TRIO: variants seen among roughly 807,000 people sequenced by gnomAD.
The protein encoded by TRIO is trio Rho guanine nucleotide exchange factor, also known as triple functional domain protein.
A neutral mutation model predicts 351.9 loss-of-function variants in TRIO; 58 were observed. The observed-to-expected ratio is 0.16, with a 90% CI of 0.13 to 0.21. The LOEUF (loss-of-function observed/expected upper bound fraction) is 0.21. Ranked by LOEUF, TRIO falls within the 10% of genes least tolerant of loss-of-function variation. The pLI, the probability that TRIO is intolerant of heterozygous loss-of-function variation, is 1.00. For synonymous variants in TRIO, 1,758 were observed against 1,595.7 expected (o/e 1.10, Z -2.42); for missense variants, 3,201 against 4,027.8 (o/e 0.79, Z 5.56).
At chr5:14,448,609 C>T (rs753042250) in intron 34 of TRIO, among the ~76,000 whole-genome samples, 6 of 152,256 alleles carry the variant, frequency 3.9e-5, no homozygotes, top group Non-Finnish European at 8.8e-5. Flanking sequence ...GATGCGACAT[C>T]ACCTTTCCAA....
In TRIO at chr5:14,487,922, GCCC is replaced by G. The variant is rs966036357; in HGVS notation, c.7297_7299del (p.Pro2433del). On this transcript the variant is annotated inframe_deletion, in exon 48 of 57. Transcript: ENST00000344204. The stretch of plus-strand genomic sequence containing the variant: ...GAACGCCTCGGGGTCGAGCCCAGAC[GCCC>G]CCGCCAAGGACGCGCGCGCTAGCCT... 1.3e-6 allele frequency: 2 copies of G among 1,537,928 alleles called. No homozygotes were observed. The highest frequency in any genetic ancestry group is 4.2e-5 in the Admixed American group (2 of 48,126).
intron 1 of TRIO, among the ~76,000 whole-genome samples, chr5:14,267,984 T>G (rs539505195): frequency 6.6e-6 from 1 of 152,268 alleles, no homozygotes; most frequent in Non-Finnish European, 1.5e-5. Context: ...TATATTCTGG[T>G]CTATGCGTGG....
At chr5:14,363,666 T>C (rs1303520732) in intron 13 of TRIO, 66 bp from the exon 14 acceptor site, 1 of 1,469,154 alleles carries the variant, frequency 6.8e-7, no homozygotes, top group East Asian at 2.3e-5. Context: ...CTTCCTTACT[T>C]GGTACAGAGT....
Position 14,297,159 on chromosome 5 carries a change from A to C in TRIO, c.1264A>C (p.Ile422Leu). Reference sequence around the variant, plus strand: ...CTATGCCTCGCAGCAGATCAGGCAGATCGCGAGTCAGCTGGAGCAGGAGTG... The same window carrying C: ...CTATGCCTCGCAGCAGATCAGGCAGCTCGCGAGTCAGCTGGAGCAGGAGTG... ...GHYASQQIRQIASQLEQEWKA... is the reference protein window; with the variant it reads ...GHYASQQIRQLASQLEQEWKA... Residue 422 changes from isoleucine (I) to leucine (L), a missense_variant, in exon 7 of 57, where the codon ATC (isoleucine) becomes CTC (leucine). Transcript: ENST00000344204. 6.2e-7 allele frequency: 1 copy of C among 1,614,244 alleles called. No homozygotes were observed. The highest frequency in any genetic ancestry group is 8.5e-7 in the Non-Finnish European group (1 of 1,180,044).
chr5:14,430,185 GC>G (rs1387645194), intron 34 of TRIO, among the ~76,000 whole-genome samples: 1 of 133,364 alleles, frequency 7.5e-6, no homozygotes, highest in Non-Finnish European at 1.5e-5. Context: ...ATATTTGCGT[GC>G]TTTTTTTTTT....
In TRIO at chr5:14,316,517, G is replaced by A; in HGVS notation, c.1505G>A (p.Ser502Asn). 1 of 1,613,866 alleles carries A rather than the reference G, an allele frequency of 6.2e-7. No homozygotes were observed. The stretch of plus-strand genomic sequence containing the variant: ...ACTCATTTCTTTTGTGGGCAGGTCA[G>A]CCAAGATGGGAAGTCGCTCCTTGAC... ...EHITLAYSEV[S>N]QDGKSLLDKL... Residue 502 changes from serine to asparagine, a missense_variant, in exon 9 of 57, where the codon AGC becomes AAC. Physicochemically the swap from Ser to Asn is conservative, Grantham distance 46. Coordinates refer to ENST00000344204, the MANE Select transcript of TRIO (RefSeq NM_007118.4).
At chr5:14,267,112 G>GT (rs1253042566) in intron 1 of TRIO, among the ~76,000 whole-genome samples, 2 of 152,158 alleles carry the variant, frequency 1.3e-5, no homozygotes, top group Non-Finnish European at 2.9e-5. Flanking sequence ...AATTCAAAAA[G>GT]TGGGTACAAC....
In TRIO at chr5:14,145,492, A is replaced by ACC. The variant is rs36110495; in HGVS notation, c.157+1618_157+1619dup. Among the ~76,000 whole-genome samples the ACC allele has an allele frequency of 2.9e-3, 419 of 144,934 alleles. 2 individuals are homozygous for ACC. Among genetic ancestry groups the ACC allele is most frequent in the African/African-American group, 9.8e-3 (394 of 40,198 alleles). On this transcript the variant is annotated intron_variant, in intron 1 of 56. Coordinates refer to ENST00000344204, the MANE Select transcript of TRIO (RefSeq NM_007118.4). ...ACATGAGCTCCTTCTAAAGAAAGCT[A>ACC]CCCCCCCCCACCTTTTTTTTTTTGG...
Position 14,321,848 on chromosome 5 carries a change from TG to T in TRIO, c.1731+5107del, listed in dbSNP as rs780978498. On this transcript the variant is annotated intron_variant, in intron 9 of 56. Coordinates refer to ENST00000344204, the MANE Select transcript of TRIO (RefSeq NM_007118.4). ...AGTGAATAAGTCTTGTGAAATCTGA[TG>T]GTTTTATAAATGGGAGTTCCCCTAC... 6.0e-4 allele frequency among the ~76,000 whole-genome samples: 92 copies of T among 152,274 alleles called. 2 individuals are homozygous for T. The highest frequency in any genetic ancestry group is 3.9e-3 in the Admixed American group (60 of 15,292).
rs888437665 is a variant in TRIO, at chr5:14,390,282, A to G, written c.4110A>G (p.Gly1370=). ...ATGAACAGTTGCCAGAGGATGTTGG[A>G]CATTGTTTTGTTACTTGGGTAATGA... is the stretch of plus-strand genomic sequence containing the variant. ...EKYEQLPEDV[G]HCFVTWADKF... Residue 1370 remains glycine, a synonymous_variant, in exon 26 of 57, where the codon GGA becomes GGG. Transcript: ENST00000344204. 3 of 1,614,094 alleles carry G rather than the reference A, an allele frequency of 1.9e-6. No homozygotes were observed. Among genetic ancestry groups the G allele is most frequent in the African/African-American group, 1.3e-5 (1 of 75,050 alleles).
intron 1 of TRIO, among the ~76,000 whole-genome samples, chr5:14,208,757 A>T (rs1262847913): frequency 2.0e-5 from 3 of 152,236 alleles, no homozygotes; most frequent in African/African-American, 7.2e-5. Flanking sequence ...ACCTTGTTCA[A>T]ATAAGGCAAA....
At chr5:14,332,508 C>T (rs1005767192) in intron 10 of TRIO, among the ~76,000 whole-genome samples, 1 of 152,180 alleles carries the variant, frequency 6.6e-6, no homozygotes, top group Non-Finnish European at 1.5e-5. Flanking sequence ...TGCATATGTA[C>T]AAAATAGGCT....
chr5:14,479,158 A>T, intron 41 of TRIO, 103 bp from the exon 42 acceptor site: 1 of 960,882 alleles, frequency 1.0e-6, no homozygotes, highest in Non-Finnish European at 1.7e-6. Flanking sequence ...GCTTGGTTTT[A>T]AGATGAGTGC....
At chr5:14,333,479 T>C (rs1025841825) in intron 10 of TRIO, among the ~76,000 whole-genome samples, 3 of 152,226 alleles carry the variant, frequency 2.0e-5, no homozygotes, top group Admixed American at 6.5e-5. Context: ...TGGCCCATCA[T>C]TCTTCTGATT....
intron 1 of TRIO, among the ~76,000 whole-genome samples, chr5:14,239,357 G>T (rs933327328): frequency 6.6e-6 from 1 of 152,052 alleles, no homozygotes; most frequent in Non-Finnish European, 1.5e-5. Context: ...TATAGAATAA[G>T]AATTAAATGC....
At chr5:14,147,097 A>G (rs1326480355) in intron 1 of TRIO, among the ~76,000 whole-genome samples, 1 of 152,122 alleles carries the variant, frequency 6.6e-6, no homozygotes, top group East Asian at 1.9e-4. Context: ...TTCAAACTTC[A>G]CTTTTCTCCT....
intron 34 of TRIO, among the ~76,000 whole-genome samples, chr5:14,423,556 T>C (rs1482183075): frequency 6.6e-6 from 1 of 152,216 alleles, no homozygotes; most frequent in Non-Finnish European, 1.5e-5. Context: ...CCTGCTTTTT[T>C]CACCTTTTCC....
chr5:14,494,006 A>G (rs1420978647), intron 49 of TRIO, among the ~76,000 whole-genome samples: 2 of 152,196 alleles, frequency 1.3e-5, no homozygotes, highest in Admixed American at 1.3e-4. Context: ...TGCAGAAGAA[A>G]AGTTGCAAAC....
intron 10 of TRIO, among the ~76,000 whole-genome samples, chr5:14,334,694 G>C (rs755068084): frequency 6.6e-6 from 1 of 152,212 alleles, no homozygotes. Context: ...TGGAGGCCCC[G>C]TTGTGCCCAT....
Sources: gnomAD v4.1 joint callset for allele counts (sites outside exome capture counted in the v4.1 genomes callset) on GRCh38, gnomAD v4.1.1 for gene constraint, MANE v1.5 for transcripts, NCBI Gene and HGNC (gene_info 2026-07-23, HGNC 2026-07-21) for gene names.